Variants in PLCG2 observed in about 807,000 individuals in gnomAD.
PLCG2 encodes the protein phospholipase C gamma 2, also known as 1-phosphatidylinositol 4,5-bisphosphate phosphodiesterase gamma-2.
Under a neutral mutation model 175.6 loss-of-function variants are expected in PLCG2, and 69 were observed. That is an observed-to-expected ratio of 0.39 (90% confidence interval 0.32 to 0.48). PLCG2 has a LOEUF of 0.48. PLCG2 is among the 20% of genes least tolerant of loss of function. The probability of loss-of-function intolerance (pLI) is 0.91; values close to 1 mark genes in which losing one functional copy is unlikely to be tolerated. For missense variants in PLCG2, 1,798 were observed against 1,650.9 expected, an observed-to-expected ratio of 1.09 and a Z score of -1.54; for synonymous variants, 827 against 624.0, an observed-to-expected ratio of 1.33 and a Z score of -4.85.
intron 3 of PLCG2, among the ~76,000 whole-genome samples, chr16:81,857,123 G>A (rs1056541285): frequency 2.6e-5 from 4 of 152,232 alleles, no homozygotes; most frequent in Non-Finnish European, 4.4e-5. Flanking sequence ...TATAGCAGCA[G>A]AGGAGACTGA....
At chr16:81,769,390 C>A (rs896512179) in intron 2 of PLCG2, among the ~76,000 whole-genome samples, 2 of 152,190 alleles carry the variant, frequency 1.3e-5, no homozygotes, top group Admixed American at 6.5e-5. Context: ...CAGTTAAATG[C>A]GGATCCCTAG....
rs1401580249 is a variant in PLCG2, at chr16:81,883,361, G to T, written c.765+20G>T. 1 of 1,598,812 alleles carries T rather than the reference G, an allele frequency of 6.3e-7. No homozygotes were observed. The highest frequency in any genetic ancestry group is 1.1e-5 in the South Asian group (1 of 90,818). On this transcript the variant is annotated intron_variant, in intron 9 of 32. Coordinates refer to ENST00000564138, the MANE Select transcript of PLCG2 (RefSeq NM_002661.5). ...CAGCAGGTGAGAGCACAAGGTGTGT[G>T]GGTGCCTGAGGGAGCTGGCGGGATG...
intron 2 of PLCG2, among the ~76,000 whole-genome samples, chr16:81,797,605 T>A (rs532369860): frequency 2.6e-5 from 4 of 152,348 alleles, no homozygotes; most frequent in African/African-American, 9.6e-5. Context: ...GCTCCTCAGA[T>A]ACCTGGTTAA....
chr16:81,933,029 T>C (rs1291169332), intron 25 of PLCG2, among the ~76,000 whole-genome samples: 1 of 152,210 alleles, frequency 6.6e-6, no homozygotes, highest in Non-Finnish European at 1.5e-5. Context: ...CTTTGCTTAA[T>C]GTGGAAAAGT....
intron 2 of PLCG2, chr16:81,852,055 A>C (rs1414466402): frequency 6.6e-6 from 1 of 152,324 alleles, no homozygotes; most frequent in African/African-American, 2.4e-5. Context: ...TCCAGGCCAC[A>C]GCCACCTCTT....
At chr16:81,894,828 G>A (rs1908805285) in intron 12 of PLCG2, among the ~76,000 whole-genome samples, 2 of 151,896 alleles carry the variant, frequency 1.3e-5, no homozygotes, top group African/African-American at 4.8e-5. Flanking sequence ...AGCTGAGATC[G>A]CGCCGCTGCA....
At chr16:81,952,397 A>T (rs894311243) in intron 31 of PLCG2, among the ~76,000 whole-genome samples, 1 of 152,170 alleles carries the variant, frequency 6.6e-6, no homozygotes, top group Non-Finnish European at 1.5e-5. Flanking sequence ...TCAATTCCAG[A>T]TATTGCTAAA....
At chr16:81,938,563 C>T in intron 28 of PLCG2, 1 of 544,450 alleles carries the variant, frequency 1.8e-6, no homozygotes, top group Non-Finnish European at 3.3e-6. Flanking sequence ...TGAGTTTTAC[C>T]TGTTGAGTCA....
At chr16:81,798,696 G>C (rs1911583485) in intron 2 of PLCG2, 1 of 152,336 alleles carries the variant, frequency 6.6e-6, no homozygotes, top group South Asian at 2.1e-4. Flanking sequence ...TTTTGAGAAA[G>C]AAGGAAATGG....
At chr16:81,923,012 C>T (rs1385870857) in intron 21 of PLCG2, among the ~76,000 whole-genome samples, 1 of 152,248 alleles carries the variant, frequency 6.6e-6, no homozygotes. Flanking sequence ...AGCAATGAGG[C>T]CCTCAGGACA....
intron 32 of PLCG2, 51 bp downstream of exon 32, chr16:81,956,930 G>C: frequency 1.4e-6 from 2 of 1,476,288 alleles, no homozygotes; most frequent in Non-Finnish European, 1.9e-6. Flanking sequence ...TCTAGGCACG[G>C]TGATGATGGG....
chr16:81,781,996 C>A (rs564582171), intron 1 of PLCG2, among the ~76,000 whole-genome samples: 1 of 152,106 alleles, frequency 6.6e-6, no homozygotes, highest in African/African-American at 2.4e-5. Flanking sequence ...CTCAGCCTCA[C>A]GAGTAGCTGG....
At chr16:81,916,297 GA>G (rs35559608) in intron 19 of PLCG2, among the ~76,000 whole-genome samples, 91,607 of 149,832 alleles carry the variant, frequency 0.61, 28,248 homozygotes, top group East Asian at 0.78. Flanking sequence ...TTTAAAAAAA[GA>G]AAAAAAACAA....
intron 1 of PLCG2, among the ~76,000 whole-genome samples, chr16:81,751,731 T>C (rs1228223575): frequency 6.6e-6 from 1 of 152,092 alleles, no homozygotes; most frequent in African/African-American, 2.4e-5. Context: ...CCTATAAATA[T>C]GTAAAAGAGT....
In PLCG2 at chr16:81,828,235, A is replaced by ATTTT. The variant is rs67992648; in HGVS notation, c.194-26184_194-26181dup. Among the ~76,000 whole-genome samples, 13 of 59,398 alleles carry ATTTT rather than the reference A, an allele frequency of 2.2e-4. 1 individual carries two copies. Among genetic ancestry groups the ATTTT allele is most frequent in the South Asian group, 8.9e-4 (1 of 1,124 alleles). The allele number at this position is 59,398 out of a possible 152,430, so 39.0% of individuals were successfully genotyped here. A position where few individuals can be genotyped will look rare whatever the true frequency, so the allele number is the denominator to read the frequency against. ...CTGTTCCAGACTGTTGAGAAATGTCATTTTTTTTTTTTTTTTTTTTTTTTT... is the reference window on the plus strand; with the variant it reads ...CTGTTCCAGACTGTTGAGAAATGTCATTTTTTTTTTTTTTTTTTTTTTTTTTTTT... On this transcript the variant is annotated intron_variant, in intron 2 of 32. Transcript: ENST00000564138.
In PLCG2 at chr16:81,936,364, A is replaced by G; in HGVS notation, c.3038A>G (p.Asn1013Ser). Reference protein sequence around the residue: ...WLCGSQMVALNFQTADKYMQM... With the variant: ...WLCGSQMVALSFQTADKYMQM... ...TGCGGTTCTCAGATGGTGGCACTCA[A>G]TTTCCAGACGGCAGGTAAAGGCCGA... is the stretch of plus-strand genomic sequence containing the variant. Residue 1013 changes from asparagine to serine, a missense_variant, in exon 27 of 33, where the codon AAT becomes AGT. Physicochemically the swap from Asn to Ser is conservative, Grantham distance 46 (BLOSUM62 1). Coordinates refer to ENST00000564138, the MANE Select transcript of PLCG2 (RefSeq NM_002661.5). 1 of 1,613,790 alleles carries G rather than the reference A, an allele frequency of 6.2e-7. No individual in the cohort carries two copies. Among genetic ancestry groups the G allele is most frequent in the Non-Finnish European group, 8.5e-7 (1 of 1,179,998 alleles).
chr16:81,866,280 T>C (rs28613794), intron 5 of PLCG2, among the ~76,000 whole-genome samples: 8 of 105,668 alleles, frequency 7.6e-5, no homozygotes, highest in African/African-American at 1.2e-4. Context: ...CATGAGAGGA[T>C]GCTAGCCTCT....
At chr16:81,854,286 C>T (rs1906569863) in intron 2 of PLCG2, among the ~76,000 whole-genome samples, 158 bp from the exon 3 acceptor site, 1 of 152,122 alleles carries the variant, frequency 6.6e-6, no homozygotes, top group African/African-American at 2.4e-5. Context: ...TGTCCATTTC[C>T]AGAAGGAGGG....
At chr16:81,824,008 C>CT (rs1904927906) in intron 2 of PLCG2, among the ~76,000 whole-genome samples, 1 of 22,134 alleles carries the variant, frequency 4.5e-5, no homozygotes, top group Non-Finnish European at 9.1e-5. Flanking sequence ...TTTTCTTTTT[C>CT]CTTTCCTTTC....
Sources: allele counts gnomAD v4.1 joint callset (sites outside exome capture counted in the v4.1 genomes callset), GRCh38; gene constraint gnomAD v4.1.1; transcripts MANE v1.5; gene names NCBI Gene and HGNC (gene_info 2026-07-23, HGNC 2026-07-21).